LMNTD1: variants seen among roughly 807,000 people sequenced by gnomAD.
The protein encoded by LMNTD1 is lamin tail domain-containing protein 1.
In LMNTD1, 35 loss-of-function variants were observed where a neutral mutation model predicts 50.9. The ratio of observed to expected loss-of-function variants is 0.69; its 90% confidence interval spans 0.53 to 0.91. The LOEUF (loss-of-function observed/expected upper bound fraction) is 0.91. Among genes scored for constraint, LMNTD1 ranks in the 40% least tolerant of loss-of-function variants. LMNTD1 has a pLI of 0.00. For synonymous variants in LMNTD1, 153 were observed against 161.9 expected (o/e 0.94, Z 0.42); for missense variants, 470 against 475.5 (o/e 0.99, Z 0.11).
intron 7 of LMNTD1, among the ~76,000 whole-genome samples, chr12:25,519,200 G>A (rs1462764815): frequency 1.3e-5 from 2 of 152,150 alleles, no homozygotes; most frequent in Non-Finnish European, 2.9e-5. Flanking sequence ...CCTGGATAAT[G>A]CACCTCTCCC....
chr12:25,481,263 C>T (rs192631595), intron 9 of LMNTD1, among the ~76,000 whole-genome samples: 3 of 152,114 alleles, frequency 2.0e-5, no homozygotes, highest in African/African-American at 4.8e-5. Flanking sequence ...CAGCATATCA[C>T]CACCTTCCAA....
At chr12:25,585,107 C>A (rs1380396940) in intron 1 of LMNTD1, among the ~76,000 whole-genome samples, 1 of 152,158 alleles carries the variant, frequency 6.6e-6, no homozygotes. Flanking sequence ...GAGTCTGGGG[C>A]CAAAATAAAC....
chr12:25,495,637 ATTCT>A (rs559346104), intron 9 of LMNTD1, among the ~76,000 whole-genome samples: 2 of 152,292 alleles, frequency 1.3e-5, no homozygotes, highest in South Asian at 4.2e-4. Flanking sequence ...GCAAAAACAC[ATTCT>A]TTCTTTATAA....
chr12:25,552,581 GAAA>G lies in LMNTD1; in HGVS notation c.89+287_89+289del, dbSNP rs55848800. Among the ~76,000 whole-genome samples the G allele has an allele frequency of 2.9e-4, 17 of 58,168 alleles. 1 individual carries two copies. The highest frequency in any genetic ancestry group is 9.7e-4 in the South Asian group (1 of 1,028). 38.2% of individuals were successfully genotyped at this position (58,168 alleles called of 152,430 possible). A position where few individuals can be genotyped will look rare whatever the true frequency, so the allele number is the denominator to read the frequency against. On this transcript the variant is annotated intron_variant, in intron 2 of 9. Coordinates refer to ENST00000458174, the MANE Select transcript of LMNTD1 (RefSeq NM_001145728.2). ...AAGATCGCGCCACTGCACTCTGTCT[GAAA>G]AAAAAAAAAAAAAAAAACGGAACTT...
chr12:25,576,743 GT>G (rs1945036833), intron 1 of LMNTD1, among the ~76,000 whole-genome samples: 1 of 152,202 alleles, frequency 6.6e-6, no homozygotes, highest in Non-Finnish European at 1.5e-5. Context: ...TGCTTTTGGT[GT>G]TTTAGTCATG....
At chr12:25,633,203 T>C (rs1320818905) in intron 1 of LMNTD1, among the ~76,000 whole-genome samples, 1 of 151,940 alleles carries the variant, frequency 6.6e-6, no homozygotes. Context: ...TAAGAAATGA[T>C]ATAGACAGCA....
chr12:25,489,930 C>A (rs1261765871), intron 9 of LMNTD1, among the ~76,000 whole-genome samples: 1 of 152,048 alleles, frequency 6.6e-6, no homozygotes, highest in African/African-American at 2.4e-5. Context: ...TATTTTGATG[C>A]CAAAGAGAAA....
At chr12:25,544,823 G>T (rs1943326997) in intron 4 of LMNTD1, among the ~76,000 whole-genome samples, 1 of 151,474 alleles carries the variant, frequency 6.6e-6, no homozygotes, top group Non-Finnish European at 1.5e-5. Flanking sequence ...GGAAAGAATA[G>T]AAAAAAAGAA....
At chr12:25,523,836 A>AT (rs910475023) in intron 6 of LMNTD1, among the ~76,000 whole-genome samples, 3 of 149,504 alleles carry the variant, frequency 2.0e-5, no homozygotes, top group African/African-American at 4.9e-5. Flanking sequence ...AAAAAAAAAA[A>AT]GCTTGAGCTG....
chr12:25,489,595 G>A (rs1170084239), intron 9 of LMNTD1, among the ~76,000 whole-genome samples: 4 of 150,536 alleles, frequency 2.7e-5, no homozygotes, highest in African/African-American at 7.4e-5. Flanking sequence ...CTTCTGCGTC[G>A]CTCACGCTGG....
chr12:25,514,029 G>A (rs909795238), intron 8 of LMNTD1, among the ~76,000 whole-genome samples: 1 of 152,028 alleles, frequency 6.6e-6, no homozygotes, highest in African/African-American at 2.4e-5. Context: ...CCAACAAGAT[G>A]GTTTTTCTAT....
In LMNTD1 at chr12:25,476,366, C is replaced by T. The variant is rs1025815281; in HGVS notation, c.*117G>A. ...CCATATAGAAATGTGATGTCTTCAC[C>T]CTCTCATGGAATAGCAGGGAGGTTG... On this transcript the variant is annotated 3_prime_UTR_variant, in exon 10 of 10. Transcript: ENST00000458174. 3 of 152,066 alleles carry T rather than the reference C, an allele frequency of 2.0e-5. No homozygotes were observed. Among genetic ancestry groups the T allele is most frequent in the African/African-American group, 7.2e-5 (3 of 41,396 alleles). 9.4% of individuals were successfully genotyped at this position (152,066 alleles called of 1,614,324 possible).
At chr12:25,499,964 A>G (rs994192979) in intron 9 of LMNTD1, 2 of 152,314 alleles carry the variant, frequency 1.3e-5, no homozygotes, top group East Asian at 1.9e-4. Flanking sequence ...TTACTCTTCC[A>G]TACAACTGGA....
chr12:25,493,500 A>G (rs1017272343), intron 9 of LMNTD1, among the ~76,000 whole-genome samples: 2 of 152,214 alleles, frequency 1.3e-5, no homozygotes, highest in Non-Finnish European at 2.9e-5. Flanking sequence ...TTTCAATTAA[A>G]TTCACAATAT....
intron 6 of LMNTD1, 143 bp from the exon 7 acceptor site, chr12:25,520,218 G>A (rs185074481): frequency 8.7e-4 from 169 of 194,546 alleles, no homozygotes; most frequent in African/African-American, 3.9e-3. Context: ...GGTATTTATT[G>A]TCTCACGTAG....
intron 1 of LMNTD1, among the ~76,000 whole-genome samples, chr12:25,563,450 C>T (rs1464203139): frequency 6.6e-6 from 1 of 152,232 alleles, no homozygotes; most frequent in East Asian, 1.9e-4. Context: ...CCAGAGGCTG[C>T]AGAACAGCAA....
chr12:25,623,712 A>G (rs1291834485), intron 1 of LMNTD1, among the ~76,000 whole-genome samples: 1 of 152,274 alleles, frequency 6.6e-6, no homozygotes, highest in East Asian at 1.9e-4. Context: ...AACATTGGAT[A>G]TCTGCTACCA....
At chr12:25,516,927 C>G (rs1426692626) in intron 8 of LMNTD1, among the ~76,000 whole-genome samples, 1 of 151,504 alleles carries the variant, frequency 6.6e-6, no homozygotes, top group Non-Finnish European at 1.5e-5. Flanking sequence ...CTAAAGAAGA[C>G]ATTTATGCAG....
In LMNTD1 at chr12:25,552,923, C is replaced by T. The variant is rs535112666; in HGVS notation, c.37G>A (p.Ala13Thr). The change falls in exon 2 of 10, where the codon GCA (alanine) becomes ACA (threonine). Residue 13 changes from alanine (A) to threonine (T), a missense_variant. Transcript: ENST00000458174. ...DTQDIQEASK[A>T]MQNKVHEQED... ...TGCTCATGGACTTTATTCTGCATTG[C>T]CTTCGAAGCTTCCTGAATGTCTTGT... 1.4e-5 allele frequency: 22 copies of T among 1,558,422 alleles called. No homozygotes were observed. In the East Asian group the frequency reaches 5.3e-4, roughly 38 times the overall value.
Sources: gnomAD v4.1 joint callset for allele counts (sites outside exome capture counted in the v4.1 genomes callset) on GRCh38, gnomAD v4.1.1 for gene constraint, MANE v1.5 for transcripts, NCBI Gene and HGNC (gene_info 2026-07-23, HGNC 2026-07-21) for gene names.